LRP1B: variants seen among roughly 807,000 people sequenced by gnomAD.
LRP1B encodes the protein low-density lipoprotein receptor-related protein 1B.
Under a neutral mutation model 556.6 loss-of-function variants are expected in LRP1B, and 217 were observed. That is an observed-to-expected ratio of 0.39 (90% CI 0.35 to 0.44). LRP1B has a LOEUF of 0.44. LRP1B is among the 20% of genes least tolerant of loss of function. The pLI is 1.00. For missense variants in LRP1B, 5,053 were observed against 5,620.8 expected (o/e 0.90, Z 3.23); for synonymous variants, 2,047 against 1,865.8 (o/e 1.10, Z -2.50).
intron 3 of LRP1B, among the ~76,000 whole-genome samples, chr2:141,408,801 A>G (rs2104939085): frequency 6.6e-6 from 1 of 152,248 alleles, no homozygotes; most frequent in South Asian, 2.1e-4. Flanking sequence ...CATTTTACTT[A>G]TAAATAATAT....
Position 140,520,502 on chromosome 2 carries a change from G to A in LRP1B, c.8027-3491C>T, listed in dbSNP as rs186295852. On this transcript the variant is annotated intron_variant, in intron 49 of 90. Transcript: ENST00000389484. ...AATAGCATTAGGAGAAATGCCTAAT[G>A]TGGATGGCGAGTTGATGGGTGCAGC... Among the ~76,000 whole-genome samples the A allele has an allele frequency of 2.5e-3, 374 of 152,090 alleles. 3 individuals carry two copies. The highest frequency in any genetic ancestry group is 8.7e-3 in the African/African-American group (360 of 41,488).
At chr2:140,611,853 T>C (rs1375714382) in intron 41 of LRP1B, among the ~76,000 whole-genome samples, 2 of 152,056 alleles carry the variant, frequency 1.3e-5, no homozygotes, top group South Asian at 2.1e-4. Context: ...AATCCCAAAA[T>C]GTATGGAAAG....
At chr2:142,092,036 C>T (rs1285770512) in intron 1 of LRP1B, among the ~76,000 whole-genome samples, 8 of 152,208 alleles carry the variant, frequency 5.3e-5, no homozygotes, top group Non-Finnish European at 2.9e-5. Flanking sequence ...GACGAACACT[C>T]ACTGACAATG....
At chr2:140,417,888 C>T (rs1229231908) in intron 66 of LRP1B, among the ~76,000 whole-genome samples, 1 of 152,170 alleles carries the variant, frequency 6.6e-6, no homozygotes, top group East Asian at 1.9e-4. Context: ...CACATGTGTT[C>T]ACGCAGCTCT....
At position 141,150,866 on chromosome 2, in the gene LRP1B, GGTTTGTGTGTGTGT is replaced by G. The variant is rs1326259931; in HGVS notation, c.1013+37541_1013+37554del. On this transcript the variant is annotated intron_variant, in intron 7 of 90. Coordinates refer to ENST00000389484, the MANE Select transcript of LRP1B (RefSeq NM_018557.3). ...CAGATGGCCTTCATATTGTCATGCT[GGTTTGTGTGTGTGT>G]GTGTGTGTGTGTGTGTGTGTGTGTG... is the stretch of plus-strand genomic sequence containing the variant. Among the ~76,000 whole-genome samples the G allele has an allele frequency of 4.8e-4, 22 of 45,860 alleles. No individual in the cohort carries two copies. The East Asian group carries it at 7.8e-3, about 16-fold the overall frequency. The allele number at this position is 45,860 out of a possible 152,430, so 30.1% of individuals were successfully genotyped here.
At chr2:141,379,633 T>C (rs1213776052) in intron 3 of LRP1B, among the ~76,000 whole-genome samples, 7 of 152,108 alleles carry the variant, frequency 4.6e-5, no homozygotes, top group African/African-American at 7.2e-5. Context: ...CCCTGAAAAA[T>C]GAAGGGCTTG....
intron 1 of LRP1B, among the ~76,000 whole-genome samples, chr2:141,879,474 A>T (rs1698882039): frequency 1.3e-5 from 2 of 151,946 alleles, no homozygotes; most frequent in African/African-American, 4.8e-5. Flanking sequence ...AAAATAGTAA[A>T]TTCAAAATAA....
Position 141,197,002 on chromosome 2 carries a change from C to G in LRP1B, c.851-8419G>C, listed in dbSNP as rs1681781319. On this transcript the variant is annotated intron_variant, in intron 6 of 90. Coordinates refer to ENST00000389484, the MANE Select transcript of LRP1B (RefSeq NM_018557.3). ...TGATGGATTTATAAATGGGAGTTCC[C>G]CTGCACAAACCTCTTGCCTGCCACC... 2.0e-5 allele frequency among the ~76,000 whole-genome samples: 3 copies of G among 152,018 alleles called. No individual in the cohort carries two copies. The South Asian group carries it at 6.2e-4, about 32-fold the overall frequency.
At chr2:140,954,010 T>C (rs1305776181) in intron 18 of LRP1B, among the ~76,000 whole-genome samples, 2 of 152,200 alleles carry the variant, frequency 1.3e-5, no homozygotes, top group Non-Finnish European at 2.9e-5. Flanking sequence ...TTTAAACATT[T>C]CTCATACATT....
intron 1 of LRP1B, among the ~76,000 whole-genome samples, chr2:142,104,620 C>T (rs1440281527): frequency 1.3e-5 from 2 of 152,074 alleles, no homozygotes; most frequent in Non-Finnish European, 2.9e-5. Flanking sequence ...TTGCACTTAA[C>T]TCATTAGTAC....
chr2:141,936,829 C>T (rs1700648491), intron 1 of LRP1B, among the ~76,000 whole-genome samples: 1 of 151,456 alleles, frequency 6.6e-6, no homozygotes, highest in South Asian at 2.1e-4. Flanking sequence ...TTTGGATATA[C>T]ATAATATGAT....
chr2:142,121,629 G>A lies in LRP1B; in HGVS notation c.82+9019C>T, dbSNP rs538352436. Reference sequence around the variant, plus strand: ...CAAGGCCTTCTGCGATTATAACTACGACTCCCAATTGCATTGTCCTCAGTC... The same window carrying A: ...CAAGGCCTTCTGCGATTATAACTACAACTCCCAATTGCATTGTCCTCAGTC... On this transcript the variant is annotated intron_variant, in intron 1 of 90. Coordinates refer to ENST00000389484, the MANE Select transcript of LRP1B (RefSeq NM_018557.3). 8.5e-5 allele frequency among the ~76,000 whole-genome samples: 13 copies of A among 152,148 alleles called. No individual in the cohort carries two copies. In the South Asian group the frequency reaches 2.3e-3, roughly 27 times the overall value.
intron 35 of LRP1B, among the ~76,000 whole-genome samples, chr2:140,744,071 G>T (rs1451569613): frequency 1.3e-5 from 2 of 149,460 alleles, no homozygotes; most frequent in Admixed American, 1.3e-4. Flanking sequence ...TTAATCAAAG[G>T]GTATAAACCC....
At chr2:140,760,354 T>C (rs896134699) in intron 35 of LRP1B, among the ~76,000 whole-genome samples, 1 of 152,178 alleles carries the variant, frequency 6.6e-6, no homozygotes, top group Admixed American at 6.5e-5. Context: ...ATCCCTGGCT[T>C]TCATTCAACA....
intron 63 of LRP1B, among the ~76,000 whole-genome samples, chr2:140,446,056 A>G (rs1293470981): frequency 6.6e-6 from 1 of 152,162 alleles, no homozygotes; most frequent in African/African-American, 2.4e-5. Flanking sequence ...CATAGAAATG[A>G]GAGTTCTAAA....
At chr2:141,728,539 A>G (rs1006673472) in intron 2 of LRP1B, among the ~76,000 whole-genome samples, 6 of 152,106 alleles carry the variant, frequency 3.9e-5, no homozygotes, top group African/African-American at 1.4e-4. Context: ...TGTTGCTGTA[A>G]AGTTACAAAA....
intron 37 of LRP1B, among the ~76,000 whole-genome samples, chr2:140,711,222 T>C (rs1469869057): frequency 6.6e-6 from 1 of 152,090 alleles, no homozygotes; most frequent in African/African-American, 2.4e-5. Context: ...CATTTATTTA[T>C]TGCTTTACCA....
At chr2:140,862,206 G>A (rs1405270725) in intron 27 of LRP1B, among the ~76,000 whole-genome samples, 1 of 152,040 alleles carries the variant, frequency 6.6e-6, no homozygotes, top group African/African-American at 2.4e-5. Flanking sequence ...TAAGTGAAGT[G>A]TCTGCAAATG....
chr2:140,541,643 C>A, intron 44 of LRP1B, 136 bp downstream of exon 44: 1 of 675,284 alleles, frequency 1.5e-6, no homozygotes, highest in Non-Finnish European at 2.3e-6. Context: ...AAAACAAAAT[C>A]CACAGTCATA....
Sources: gnomAD v4.1 joint callset for allele counts (sites outside exome capture counted in the v4.1 genomes callset) on GRCh38, gnomAD v4.1.1 for gene constraint, MANE v1.5 for transcripts, NCBI Gene and HGNC (gene_info 2026-07-23, HGNC 2026-07-21) for gene names.